The following GLDN variants were observed in gnomAD, a reference collection of about 807,000 sequenced individuals.
GLDN encodes gliomedin.
GLDN carries 47 observed loss-of-function variants against 56.5 expected under a neutral mutation model. The observed-to-expected ratio is 0.83, with a 90% CI of 0.66 to 1.06. The LOEUF (loss-of-function observed/expected upper bound fraction) is 1.06, where lower values mean the gene tolerates loss of function less well. Ranked by LOEUF, GLDN falls within the 50% of genes least tolerant of loss-of-function variation. The pLI is 0.00. For missense variants in GLDN, 782 were observed against 714.3 expected, an observed-to-expected ratio of 1.09 and a Z score of -1.08; for synonymous variants, 332 against 278.8, an observed-to-expected ratio of 1.19 and a Z score of -1.90.
At chr15:51,381,134 C>T (rs574354796) in intron 2 of GLDN, among the ~76,000 whole-genome samples, 4 of 152,338 alleles carry the variant, frequency 2.6e-5, no homozygotes, top group South Asian at 4.1e-4. Flanking sequence ...AATCTAATCA[C>T]CACAGTGAGA....
chr15:51,387,836 AGCATTTACT>A (rs2037933303), intron 4 of GLDN, among the ~76,000 whole-genome samples: 1 of 152,082 alleles, frequency 6.6e-6, no homozygotes, highest in Non-Finnish European at 1.5e-5. Flanking sequence ...ATACATAGCC[AGCATTTACT>A]GCCGGACACT....
At chr15:51,371,457 G>C (rs2037514404) in intron 1 of GLDN, among the ~76,000 whole-genome samples, 1 of 152,154 alleles carries the variant, frequency 6.6e-6, no homozygotes, top group Admixed American at 6.5e-5. Flanking sequence ...TCTGATGCCA[G>C]GTCAGCAAGA....
At chr15:51,343,111 C>A (rs1479160663) in intron 1 of GLDN, among the ~76,000 whole-genome samples, 1 of 152,192 alleles carries the variant, frequency 6.6e-6, no homozygotes, top group East Asian at 1.9e-4. Context: ...CAAGTGTGAG[C>A]CATACTTCAG....
rs140502646 is a variant in GLDN at position 51,348,759 on chromosome 15, G to A, written c.363+6712G>A. Among the ~76,000 whole-genome samples, 42 of 152,146 alleles carry A rather than the reference G, an allele frequency of 2.8e-4. No homozygotes were observed. The East Asian group carries it at 6.4e-3, about 23-fold the overall frequency. On this transcript the variant is annotated intron_variant, in intron 1 of 9. Transcript: ENST00000335449. ...TTTTTAGTTGGCTGACAGAATGTTG[G>A]CCAAACAACACTCACATTGTTAGGG...
chr15:51,370,343 A>C (rs12438104), intron 1 of GLDN, among the ~76,000 whole-genome samples: 1 of 152,060 alleles, frequency 6.6e-6, no homozygotes, highest in Non-Finnish European at 1.5e-5. Context: ...TTACAGACAA[A>C]TAACTAAGGT....
At chr15:51,344,546 T>C (rs1309374013) in intron 1 of GLDN, among the ~76,000 whole-genome samples, 1 of 152,160 alleles carries the variant, frequency 6.6e-6, no homozygotes, top group African/African-American at 2.4e-5. Flanking sequence ...CTAGTATATA[T>C]CGTGGAGGCA....
chr15:51,377,591 T>C (rs1440729873), intron 2 of GLDN, 91 bp downstream of exon 2: 1 of 863,784 alleles, frequency 1.2e-6, no homozygotes, highest in African/African-American at 1.7e-5. Flanking sequence ...GACACTTTGT[T>C]ATAAAAATAC....
chr15:51,411,062 G>C (rs1297053098), downstream of GLDN, among the ~76,000 whole-genome samples: 1 of 152,236 alleles, frequency 6.6e-6, no homozygotes, highest in Non-Finnish European at 1.5e-5. Flanking sequence ...TGATGTGTCA[G>C]ATGTTTGAGA....
At chr15:51,377,339 C>T in intron 1 of GLDN, 110 bp from the exon 2 acceptor site, 4 of 884,112 alleles carry the variant, frequency 4.5e-6, no homozygotes, top group Non-Finnish European at 7.2e-6. Context: ...CGCGGGTTCT[C>T]CTAAAGTTAC....
chr15:51,382,554 A>G (rs1276763300), intron 2 of GLDN, among the ~76,000 whole-genome samples: 1 of 147,406 alleles, frequency 6.8e-6, no homozygotes, highest in Non-Finnish European at 1.5e-5. Context: ...TGTCTCTACT[A>G]AAAATACATA....
At chr15:51,409,800 T>A (rs1289104280), downstream of GLDN, among the ~76,000 whole-genome samples, 3 of 152,226 alleles carry the variant, frequency 2.0e-5, no homozygotes, top group Non-Finnish European at 4.4e-5. Flanking sequence ...GAGGAAACAC[T>A]GTTCCTGACT....
intron 1 of GLDN, among the ~76,000 whole-genome samples, chr15:51,365,705 T>A: frequency 6.6e-6 from 1 of 152,224 alleles, no homozygotes; most frequent in East Asian, 1.9e-4. Flanking sequence ...GTCTACATTT[T>A]GTTTATGGGC....
At chr15:51,349,074 G>C (rs2037029693) in intron 1 of GLDN, among the ~76,000 whole-genome samples, 1 of 152,186 alleles carries the variant, frequency 6.6e-6, no homozygotes, top group Non-Finnish European at 1.5e-5. Context: ...CTTTTCAAAA[G>C]CATGTACTCC....
intron 1 of GLDN, among the ~76,000 whole-genome samples, chr15:51,366,719 G>A (rs773734231): frequency 2.0e-5 from 3 of 152,140 alleles, no homozygotes; most frequent in Non-Finnish European, 4.4e-5. Flanking sequence ...AGATCAGTCT[G>A]GGCATCATAG....
chr15:51,383,970 G>A (rs1367774575), intron 4 of GLDN, 78 bp downstream of exon 4: 2 of 1,067,650 alleles, frequency 1.9e-6, no homozygotes, highest in South Asian at 1.3e-5. Context: ...AAAACTGTGT[G>A]CAGCAGGGGT....
intron 1 of GLDN, chr15:51,367,365 A>G (rs2037426625): frequency 1.3e-5 from 2 of 152,242 alleles, no homozygotes; most frequent in South Asian, 2.1e-4. Flanking sequence ...GCCCCTTCCA[A>G]ATGAGATTGC....
chr15:51,410,504 T>C (rs2038454256), downstream of GLDN, among the ~76,000 whole-genome samples: 2 of 152,164 alleles, frequency 1.3e-5, no homozygotes, highest in African/African-American at 4.8e-5. Flanking sequence ...GAGTACCCCA[T>C]GGTTCAGCCA....
downstream of GLDN, among the ~76,000 whole-genome samples, chr15:51,409,190 C>CA (rs199864352): frequency 0.011 from 1,621 of 149,742 alleles, 26 homozygotes; most frequent in African/African-American, 0.038. Context: ...GTCACAACGC[C>CA]AAAAAAAATG....
downstream of GLDN, among the ~76,000 whole-genome samples, chr15:51,409,160 C>T (rs1466507421): frequency 6.6e-6 from 1 of 150,778 alleles, no homozygotes; most frequent in Non-Finnish European, 1.5e-5. Flanking sequence ...GACCAAGGAC[C>T]TGGTAGATCA....
Sources: gnomAD v4.1 joint callset for allele counts (sites outside exome capture counted in the v4.1 genomes callset) on GRCh38, gnomAD v4.1.1 for gene constraint, MANE v1.5 for transcripts, NCBI Gene and HGNC (gene_info 2026-07-23, HGNC 2026-07-21) for gene names.